The following DAPK1 variants were observed in gnomAD, a reference collection of about 807,000 sequenced individuals.
The protein encoded by DAPK1 is death associated protein kinase 1, also known as death-associated protein kinase 1.
In DAPK1, 56 loss-of-function variants were observed where a neutral mutation model predicts 144.9. The observed-to-expected ratio is 0.39, with a 90% CI of 0.31 to 0.48. The LOEUF (loss-of-function observed/expected upper bound fraction) is 0.48, where lower values mean the gene tolerates loss of function less well. Ranked by LOEUF, DAPK1 falls within the 20% of genes least tolerant of loss-of-function variation. The pLI is 0.95. For synonymous variants in DAPK1, 690 were observed against 749.0 expected, an observed-to-expected ratio of 0.92 and a Z score of 1.29; for missense variants, 1,454 against 1,875.4, an observed-to-expected ratio of 0.78 and a Z score of 4.15.
chr9:87,562,501 A>G (rs2118666596), intron 2 of DAPK1, among the ~76,000 whole-genome samples: 1 of 152,334 alleles, frequency 6.6e-6, no homozygotes, highest in African/African-American at 2.4e-5. Context: ...ATGTGAAAGC[A>G]TGGGTGTGTC....
At chr9:87,548,298 C>T (rs1826337243) in intron 2 of DAPK1, among the ~76,000 whole-genome samples, 1 of 152,170 alleles carries the variant, frequency 6.6e-6, no homozygotes, top group South Asian at 2.1e-4. Flanking sequence ...GTCAGAAGGC[C>T]TGCGTTAGAC....
intron 2 of DAPK1, among the ~76,000 whole-genome samples, chr9:87,567,395 G>C (rs1034971050): frequency 6.6e-6 from 1 of 152,094 alleles, no homozygotes; most frequent in Non-Finnish European, 1.5e-5. Context: ...GGGAATGGGG[G>C]TAGGGAAGGG....
At chr9:87,585,187 T>G (rs1827906139) in intron 2 of DAPK1, among the ~76,000 whole-genome samples, 1 of 152,250 alleles carries the variant, frequency 6.6e-6, no homozygotes, top group African/African-American at 2.4e-5. Context: ...CTTTTTCGTT[T>G]GATGTAATTC....
At chr9:87,522,296 A>G (rs1385098219) in intron 2 of DAPK1, among the ~76,000 whole-genome samples, 3 of 152,228 alleles carry the variant, frequency 2.0e-5, no homozygotes, top group Non-Finnish European at 2.9e-5. Context: ...CAAAGACAGT[A>G]TCTTGCCCTC....
At chr9:87,517,306 G>A (rs1475525) in intron 2 of DAPK1, among the ~76,000 whole-genome samples, 79,835 of 151,656 alleles carry the variant, frequency 0.53, 23,038 homozygotes, top group South Asian at 0.74. Context: ...TCTTCTTCTC[G>A]GTGGACTGGG....
At chr9:87,701,462 T>A (rs534016849) in intron 24 of DAPK1, among the ~76,000 whole-genome samples, 1 of 152,256 alleles carries the variant, frequency 6.6e-6, no homozygotes, top group East Asian at 1.9e-4. Context: ...ATTTTTAAAA[T>A]TTTTTTCTAG....
chr9:87,513,814 G>A (rs1379627078), intron 2 of DAPK1, among the ~76,000 whole-genome samples: 1 of 152,150 alleles, frequency 6.6e-6, no homozygotes, highest in African/African-American at 2.4e-5. Context: ...CATACGATGT[G>A]TTCAATGCCT....
intron 2 of DAPK1, among the ~76,000 whole-genome samples, chr9:87,558,702 C>T (rs1448871061): frequency 6.6e-6 from 1 of 152,208 alleles, no homozygotes; most frequent in Non-Finnish European, 1.5e-5. Flanking sequence ...TTCCTGTCTG[C>T]AGACCCCTTC....
At chr9:87,676,855 C>T (rs1334914042) in intron 19 of DAPK1, among the ~76,000 whole-genome samples, 1 of 152,212 alleles carries the variant, frequency 6.6e-6, no homozygotes, top group Non-Finnish European at 1.5e-5. Flanking sequence ...GTGCACATCC[C>T]TGTCTGTTCC....
At chr9:87,639,722 G>A in intron 6 of DAPK1, 24 bp downstream of exon 6, 1 of 1,613,674 alleles carries the variant, frequency 6.2e-7, no homozygotes, top group Non-Finnish European at 8.5e-7. Flanking sequence ...CCTTGGTGTT[G>A]TTTGCTTTCT....
chr9:87,575,115 G>A (rs1323874118), intron 2 of DAPK1, among the ~76,000 whole-genome samples: 1 of 151,848 alleles, frequency 6.6e-6, no homozygotes, highest in Non-Finnish European at 1.5e-5. Flanking sequence ...AGCTACTCGG[G>A]AGGCTGAGGC....
chr9:87,583,473 C>G (rs1330500036), intron 2 of DAPK1, among the ~76,000 whole-genome samples: 1 of 152,142 alleles, frequency 6.6e-6, no homozygotes, highest in African/African-American at 2.4e-5. Flanking sequence ...CTTTGACAAG[C>G]AAGGGGAAAT....
chr9:87,659,751 G>A (rs1427831024), intron 18 of DAPK1, among the ~76,000 whole-genome samples: 4 of 152,070 alleles, frequency 2.6e-5, no homozygotes, highest in South Asian at 2.1e-4. Context: ...CCCCTCCCAC[G>A]GTGCCCAGAG....
chr9:87,582,093 T>C (rs1419809163), intron 2 of DAPK1, among the ~76,000 whole-genome samples: 1 of 152,148 alleles, frequency 6.6e-6, no homozygotes, highest in Non-Finnish European at 1.5e-5. Context: ...TGTACTCTGC[T>C]GGAATGTGGC....
At chr9:87,605,318 G>C (rs747461278) in intron 3 of DAPK1, 143 bp downstream of exon 3, 25 of 677,706 alleles carry the variant, frequency 3.7e-5, no homozygotes, top group Non-Finnish European at 6.3e-5. Flanking sequence ...GAACAATGCC[G>C]TGCTGCCTGA....
At chr9:87,582,794 C>T (rs1406520380) in intron 2 of DAPK1, among the ~76,000 whole-genome samples, 2 of 151,936 alleles carry the variant, frequency 1.3e-5, no homozygotes, top group African/African-American at 4.8e-5. Flanking sequence ...ACCTCGTGAT[C>T]CCCCCACCTC....
intron 2 of DAPK1, among the ~76,000 whole-genome samples, chr9:87,548,913 C>CTTTTTTTTTTTTT (rs11291160): frequency 7.8e-5 from 5 of 63,846 alleles, no homozygotes; most frequent in South Asian, 9.4e-4. Context: ...GATTTCATTC[C>CTTTTTTTTTTTTT]TTTTTTTTTT....
intron 18 of DAPK1, 76 bp downstream of exon 18, chr9:87,658,203 C>A: frequency 1.5e-6 from 1 of 646,028 alleles, no homozygotes; most frequent in Non-Finnish European, 2.8e-6. Context: ...AGGGACAGGG[C>A]TTGTATGGCA....
chr9:87,613,590 C>T (rs1294502421), intron 3 of DAPK1, among the ~76,000 whole-genome samples: 3 of 152,172 alleles, frequency 2.0e-5, no homozygotes, highest in East Asian at 1.9e-4. Flanking sequence ...TGTATGTAGA[C>T]GAACACATGG....
Sources: gnomAD v4.1 joint callset for allele counts (sites outside exome capture counted in the v4.1 genomes callset) on GRCh38, gnomAD v4.1.1 for gene constraint, MANE v1.5 for transcripts, NCBI Gene and HGNC (gene_info 2026-07-23, HGNC 2026-07-21) for gene names.